ADORA2B: variants seen among roughly 807,000 people sequenced by gnomAD.
ADORA2B encodes the protein adenosine receptor A2b.
ADORA2B carries 18 observed loss-of-function variants against 20.8 expected under a neutral mutation model. That is an observed-to-expected ratio of 0.87 (90% CI 0.60 to 1.29). The LOEUF (loss-of-function observed/expected upper bound fraction) is 1.29. Ranked by LOEUF, ADORA2B falls within the 50% of genes most tolerant of loss-of-function variation. The pLI is 0.00. For synonymous variants in ADORA2B, 179 were observed against 178.3 expected, an observed-to-expected ratio of 1.00 and a Z score of -0.03; for missense variants, 441 against 422.7, an observed-to-expected ratio of 1.04 and a Z score of -0.38.
the ADORA2B span, among the ~76,000 whole-genome samples, chr17:15,859,847 T>C: frequency 6.6e-6 from 1 of 152,184 alleles, no homozygotes. Context: ...GTTTTGATTG[T>C]GACTAATATG....
intron 1 of ADORA2B, among the ~76,000 whole-genome samples, chr17:15,956,149 T>G (rs1484492242): frequency 6.6e-6 from 1 of 152,244 alleles, no homozygotes; most frequent in Non-Finnish European, 1.5e-5. Flanking sequence ...TCAATACAAT[T>G]TTAGCATTCA....
the ADORA2B span, among the ~76,000 whole-genome samples, chr17:15,902,985 A>G: frequency 1.3e-5 from 2 of 152,172 alleles, no homozygotes; most frequent in Admixed American, 6.5e-5. Context: ...GTGATTATAT[A>G]TATTTGCTTT....
chr17:15,960,325 C>T lies in ADORA2B; in HGVS notation c.336-14354C>T, dbSNP rs1203378064. On this transcript the variant is annotated intron_variant, in intron 1 of 1. Coordinates refer to ENST00000304222, the MANE Select transcript of ADORA2B (RefSeq NM_000676.4). ...ATCCCAGCACTTTGGGAGGCCGAGG[C>T]GGGCGGATCACGAGGTCAGGAGATC... Among the ~76,000 whole-genome samples, 4 of 23,274 alleles carry T rather than the reference C, an allele frequency of 1.7e-4. 1 individual carries two copies. The highest frequency in any genetic ancestry group is 9.6e-4 in the Admixed American group (2 of 2,084). 15.3% of individuals were successfully genotyped at this position (23,274 alleles called of 152,430 possible).
the ADORA2B span, among the ~76,000 whole-genome samples, chr17:15,868,621 A>AG: frequency 8.1e-6 from 1 of 123,400 alleles, no homozygotes; most frequent in African/African-American, 3.7e-5. Context: ...AAAATACAAA[A>AG]AAAAAAAAAA....
the ADORA2B span, among the ~76,000 whole-genome samples, chr17:15,895,479 C>T: frequency 3.3e-5 from 5 of 152,100 alleles, no homozygotes; most frequent in African/African-American, 1.2e-4. Context: ...GGTTGCACAG[C>T]AAATCCGGAG....
the ADORA2B span, among the ~76,000 whole-genome samples, chr17:15,870,480 G>A: frequency 2.6e-5 from 4 of 152,200 alleles, no homozygotes; most frequent in Admixed American, 2.0e-4. Context: ...GATTGTGGTG[G>A]CACATACCTG....
At position 15,974,813 on chromosome 17, in the gene ADORA2B, C is replaced by G. The variant is rs774755660; in HGVS notation, c.470C>G (p.Pro157Arg). Residue 157 changes from proline to arginine, a missense_variant, in exon 2 of 2, where the codon CCC becomes CGC. Physicochemically the swap from Pro to Arg is moderately radical, Grantham distance 103. Transcript: ENST00000304222. The stretch of plus-strand genomic sequence containing the variant: ...AGTGCCACCAACAACTGCACAGAAC[C>G]CTGGGATGGAACCACGAATGAAAGC... The part of the protein sequence containing the change: ...KDSATNNCTE[P>R]WDGTTNESCC... The G allele has an allele frequency of 1.9e-6, 3 of 1,614,014 alleles. No homozygotes were observed. The highest frequency in any genetic ancestry group is 2.2e-5 in the South Asian group (2 of 91,076).
chr17:15,905,286 G>T, the ADORA2B span, among the ~76,000 whole-genome samples: 6 of 150,350 alleles, frequency 4.0e-5, no homozygotes, highest in Admixed American at 2.7e-4. Flanking sequence ...GTTGTTGTTG[G>T]GGGGGGGTTG....
chr17:15,964,857 C>A (rs183713151), intron 1 of ADORA2B, among the ~76,000 whole-genome samples: 5 of 151,988 alleles, frequency 3.3e-5, no homozygotes, highest in East Asian at 1.9e-4. Flanking sequence ...GTCAGGAGAT[C>A]GAGACCATCC....
chr17:15,943,279 C>T (rs1969760693), upstream of ADORA2B, among the ~76,000 whole-genome samples: 1 of 152,228 alleles, frequency 6.6e-6, no homozygotes, highest in African/African-American at 2.4e-5. Context: ...GGTGCAAGGG[C>T]AGATGTGACT....
the ADORA2B span, among the ~76,000 whole-genome samples, chr17:15,889,537 G>A: frequency 7.7e-6 from 1 of 130,088 alleles, no homozygotes; most frequent in South Asian, 2.3e-4. Context: ...GAGCTTTACA[G>A]GAATGTCTGA....
At chr17:15,900,173 G>A in the ADORA2B span, among the ~76,000 whole-genome samples, 67 of 152,252 alleles carry the variant, frequency 4.4e-4, 1 homozygote, top group Middle Eastern at 3.4e-3. Context: ...GGACACCTAA[G>A]TTGATTCCAT....
chr17:15,938,282 T>A, the ADORA2B span, among the ~76,000 whole-genome samples: 1 of 152,268 alleles, frequency 6.6e-6, no homozygotes, highest in South Asian at 2.1e-4. Flanking sequence ...ATTAAATCAA[T>A]ATTCAGTGTT....
upstream of ADORA2B, among the ~76,000 whole-genome samples, chr17:15,944,759 G>A (rs1016908769): frequency 6.6e-6 from 1 of 152,098 alleles, no homozygotes; most frequent in South Asian, 2.1e-4. This position sits in a 1 kb window ranked among gnomAD's most constrained non-coding sequence, Gnocchi z 4.8. Flanking sequence ...AGCTCGCCCC[G>A]CCCGGGGTTG....
At chr17:15,857,357 A>G in the ADORA2B span, among the ~76,000 whole-genome samples, 2 of 152,176 alleles carry the variant, frequency 1.3e-5, no homozygotes, top group South Asian at 2.1e-4. Context: ...GCAAAAGAGA[A>G]ATGTGAGGTT....
At chr17:15,972,921 G>A (rs1477493339) in intron 1 of ADORA2B, among the ~76,000 whole-genome samples, 2 of 152,034 alleles carry the variant, frequency 1.3e-5, no homozygotes, top group African/African-American at 2.4e-5. Context: ...CACCGTGCCC[G>A]GCTAAGTTTT....
chr17:15,957,798 C>T (rs564034203), intron 1 of ADORA2B, among the ~76,000 whole-genome samples: 1 of 152,280 alleles, frequency 6.6e-6, no homozygotes, highest in Admixed American at 6.5e-5. Flanking sequence ...CCACCCGTCT[C>T]CGCCCAACCT....
At chr17:15,873,617 A>G in the ADORA2B span, among the ~76,000 whole-genome samples, 1 of 152,182 alleles carries the variant, frequency 6.6e-6, no homozygotes, top group Non-Finnish European at 1.5e-5. Context: ...AAGATATACA[A>G]ATGGCCAAGA....
chr17:15,916,379 A>G, the ADORA2B span, among the ~76,000 whole-genome samples: 1 of 152,118 alleles, frequency 6.6e-6, no homozygotes, highest in African/African-American at 2.4e-5. Context: ...CGAGTTAAAG[A>G]AGGAAGGGCT....
Sources: gnomAD v4.1 joint callset for allele counts (sites outside exome capture counted in the v4.1 genomes callset) on GRCh38, gnomAD v4.1.1 for gene constraint, Gnocchi (gnomAD v3.1) non-coding constraint, MANE v1.5 for transcripts, NCBI Gene and HGNC (gene_info 2026-07-23, HGNC 2026-07-21) for gene names.